CTNNA2: variants seen among roughly 807,000 people sequenced by gnomAD.
CTNNA2 encodes the protein catenin alpha-2.
A neutral mutation model predicts 101.0 loss-of-function variants in CTNNA2; 42 were observed. That is an observed-to-expected ratio of 0.42 (90% CI 0.32 to 0.54). The LOEUF (loss-of-function observed/expected upper bound fraction) is 0.54. CTNNA2 is among the 20% of genes least tolerant of loss of function. CTNNA2 has a pLI of 0.14. For missense variants in CTNNA2, 871 were observed against 1,223.1 expected (o/e 0.71, Z 4.29); for synonymous variants, 450 against 456.4 (o/e 0.99, Z 0.18).
chr2:79,704,098 C>G (rs1294876182), intron 2 of CTNNA2, among the ~76,000 whole-genome samples: 2 of 152,082 alleles, frequency 1.3e-5, no homozygotes, highest in African/African-American at 4.8e-5. Flanking sequence ...TATACATTCA[C>G]ACATATAAAT....
chr2:80,574,041 A>T, intron 12 of CTNNA2, 122 bp from the exon 13 acceptor site: 1 of 940,710 alleles, frequency 1.1e-6, no homozygotes. Context: ...AACTGGACAG[A>T]TGAGTGTCTT....
intron 7 of CTNNA2, among the ~76,000 whole-genome samples, chr2:80,142,896 C>G (rs1183911789): frequency 6.9e-6 from 1 of 145,928 alleles, no homozygotes; most frequent in East Asian, 2.0e-4. Flanking sequence ...GGTGCCCCAT[C>G]AAGATTAACT....
intron 8 of CTNNA2, among the ~76,000 whole-genome samples, chr2:80,395,390 C>A (rs1378091703): frequency 2.0e-5 from 3 of 152,230 alleles, no homozygotes; most frequent in Non-Finnish European, 4.4e-5. Flanking sequence ...AAACATCTTT[C>A]TCTTCTCCAA....
intron 7 of CTNNA2, among the ~76,000 whole-genome samples, chr2:80,054,396 G>C (rs1206702170): frequency 6.6e-6 from 1 of 152,196 alleles, no homozygotes; most frequent in South Asian, 2.1e-4. Flanking sequence ...ATTGTACAGA[G>C]AGTGAAAATT....
upstream of CTNNA2, chr2:79,513,049 G>C (rs1352926409): frequency 1.3e-5 from 2 of 152,508 alleles, no homozygotes; most frequent in Admixed American, 1.3e-4. Flanking sequence ...AGGCGGGCGG[G>C]CAGAGCAGGC....
chr2:79,450,462 G>A (rs1431961383), intron 4 of CTNNA2, among the ~76,000 whole-genome samples: 1 of 151,960 alleles, frequency 6.6e-6, no homozygotes, highest in African/African-American at 2.4e-5. Flanking sequence ...CACTCTAACA[G>A]TGGCCATGAA....
chr2:80,114,649 CAGGAGTTGGATAGA>C (rs989607375), intron 7 of CTNNA2, among the ~76,000 whole-genome samples: 1 of 152,206 alleles, frequency 6.6e-6, no homozygotes, highest in Non-Finnish European at 1.5e-5. Context: ...CATAGAAGTT[CAGGAGTTGGATAGA>C]AGCTACATTG....
At chr2:79,824,666 A>C (rs1336221907) in intron 3 of CTNNA2, among the ~76,000 whole-genome samples, 1 of 152,176 alleles carries the variant, frequency 6.6e-6, no homozygotes, top group Admixed American at 6.5e-5. Context: ...TTAAATGTAG[A>C]ATATTCTAGA....
rs1262940358 is a variant in CTNNA2 at position 80,512,364 on chromosome 2, C to G, written c.1291-32618C>G. Among the ~76,000 whole-genome samples, 5 of 151,870 alleles carry G rather than the reference C, an allele frequency of 3.3e-5. No homozygotes were observed. The East Asian group carries it at 9.7e-4, about 29-fold the overall frequency. ...TTATGTGCTGGGTAGTTCACAAAAG[C>G]AGATATAAAAATAAAACTTCAAAGG... is the stretch of plus-strand genomic sequence containing the variant. On this transcript the variant is annotated intron_variant, in intron 9 of 18. Transcript: ENST00000402739.
rs147631641 is a variant in CTNNA2, at chr2:80,581,650, G to A, written c.1894-56G>A. On this transcript the variant is annotated intron_variant, in intron 13 of 18. Transcript: ENST00000402739. ...TTTAGCCTTTGCAATGAAGTGTGTG[G>A]ATGGGGGTGAAGATTATCAATTTAA... 208 of 1,100,554 alleles carry A rather than the reference G, an allele frequency of 1.9e-4. 1 individual carries two copies. The East Asian group carries it at 3.7e-3, about 20-fold the overall frequency. 68.2% of individuals were successfully genotyped at this position (1,100,554 alleles called of 1,614,324 possible). A position where few individuals can be genotyped will look rare whatever the true frequency, so the allele number is the denominator to read the frequency against.
intron 3 of CTNNA2, among the ~76,000 whole-genome samples, chr2:79,797,859 C>G (rs532374178): frequency 6.6e-6 from 1 of 151,990 alleles, no homozygotes; most frequent in African/African-American, 2.4e-5. Context: ...GCACTGTTCT[C>G]TGGGGTGGAT....
At chr2:80,240,006 A>T (rs1199965215) in intron 7 of CTNNA2, among the ~76,000 whole-genome samples, 1 of 152,226 alleles carries the variant, frequency 6.6e-6, no homozygotes, top group East Asian at 1.9e-4. Flanking sequence ...GAAATTTTCC[A>T]TTTCATGTCA....
Position 80,648,311 on chromosome 2 carries a change from T to C in CTNNA2, c.*439T>C. ...TATTGCTTCTGTTTCAGTGCAAAAA[T>C]GTACTAGCCAATACGCTTAAGTGTG... On this transcript the variant is annotated 3_prime_UTR_variant, in exon 19 of 19. Coordinates refer to ENST00000402739, the MANE Select transcript of CTNNA2 (RefSeq NM_001282597.3). The C allele has an allele frequency of 6.5e-6, 1 of 154,716 alleles. No individual in the cohort carries two copies. Among genetic ancestry groups the C allele is most frequent in the Non-Finnish European group, 1.4e-5 (1 of 69,384 alleles). 9.6% of individuals were successfully genotyped at this position (154,716 alleles called of 1,614,324 possible). A position where few individuals can be genotyped will look rare whatever the true frequency, so the allele number is the denominator to read the frequency against.
chr2:80,223,319 G>A (rs1708685644), intron 7 of CTNNA2, among the ~76,000 whole-genome samples: 1 of 152,232 alleles, frequency 6.6e-6, no homozygotes, highest in South Asian at 2.1e-4. Flanking sequence ...AGGGAAGAGA[G>A]AGGAATTGCT....
intron 3 of CTNNA2, among the ~76,000 whole-genome samples, chr2:79,846,938 T>A (rs984134402): frequency 3.3e-5 from 5 of 152,222 alleles, no homozygotes; most frequent in African/African-American, 1.2e-4. Context: ...TATATGTACA[T>A]GTTAATTGGC....
At chr2:80,436,827 C>A (rs1262251788) in intron 9 of CTNNA2, among the ~76,000 whole-genome samples, 1 of 152,118 alleles carries the variant, frequency 6.6e-6, no homozygotes, top group Non-Finnish European at 1.5e-5. Flanking sequence ...TTCAGGACCT[C>A]CTCGCCTCCC....
chr2:80,518,083 C>T (rs759024136), intron 9 of CTNNA2, among the ~76,000 whole-genome samples: 1 of 152,202 alleles, frequency 6.6e-6, no homozygotes, highest in African/African-American at 2.4e-5. Context: ...TGCTGTCCTT[C>T]ACTCAAAGAC....
chr2:79,403,824 G>T (rs769655191), intron 4 of CTNNA2, among the ~76,000 whole-genome samples: 1 of 151,922 alleles, frequency 6.6e-6, no homozygotes. Flanking sequence ...GTGTTGATGG[G>T]GGTGTAATTA....
intron 12 of CTNNA2, among the ~76,000 whole-genome samples, chr2:80,569,174 G>A (rs535013345): frequency 6.6e-6 from 1 of 152,232 alleles, no homozygotes; most frequent in South Asian, 2.1e-4. Flanking sequence ...ACGTCTCTCA[G>A]GAGAATTTAT....
Sources: allele counts gnomAD v4.1 joint callset (sites outside exome capture counted in the v4.1 genomes callset), GRCh38; gene constraint gnomAD v4.1.1; transcripts MANE v1.5; gene names NCBI Gene and HGNC (gene_info 2026-07-23, HGNC 2026-07-21).